The following KCNIP3 variants were observed in gnomAD, a reference collection of about 807,000 sequenced individuals.
The protein encoded by KCNIP3 is potassium voltage-gated channel interacting protein 3, also known as calsenilin.
Under a neutral mutation model 35.0 loss-of-function variants are expected in KCNIP3, and 28 were observed. The ratio of observed to expected loss-of-function variants is 0.80; its 90% CI spans 0.59 to 1.10. The LOEUF is 1.10. Ranked by LOEUF, KCNIP3 falls within the 50% of genes least tolerant of loss-of-function variation. The probability of loss-of-function intolerance (pLI) is 0.00; values close to 1 mark genes in which losing one functional copy is unlikely to be tolerated. For synonymous variants in KCNIP3, 134 were observed against 133.8 expected (o/e 1.00, Z -0.01); for missense variants, 295 against 338.4 (o/e 0.87, Z 1.01).
In KCNIP3 at chr2:95,375,100, G is replaced by T. The variant is rs377223478; in HGVS notation, c.377-38G>T. 6.2e-6 allele frequency: 10 copies of T among 1,602,070 alleles called. No homozygotes were observed. In the African/African-American group the frequency reaches 1.2e-4, roughly 19 times the overall value. The stretch of plus-strand genomic sequence containing the variant: ...GGGGTGGGAGATGAGCCGCCAGGCA[G>T]CCCCGACACACCCCAGCCTCTTCCT... On this transcript the variant is annotated intron_variant, in intron 4 of 8. Coordinates refer to ENST00000295225, the MANE Select transcript of KCNIP3 (RefSeq NM_013434.5).
intron 2 of KCNIP3, among the ~76,000 whole-genome samples, chr2:95,338,587 C>A (rs1347556521): frequency 2.0e-5 from 3 of 152,138 alleles, no homozygotes; most frequent in African/African-American, 4.8e-5. Context: ...GGCCATCTAG[C>A]CATAAAGACC....
Position 95,376,696 on chromosome 2 carries a change from G to A in KCNIP3, c.447+1488G>A, listed in dbSNP as rs1680205227. 6.6e-6 allele frequency among the ~76,000 whole-genome samples: 1 copy of A among 152,208 alleles called. No homozygotes were observed. Among genetic ancestry groups the A allele is most frequent in the African/African-American group, 2.4e-5 (1 of 41,446 alleles). ...GTGTTCTGCTCTGGGAAGGAGGAGG[G>A]CACAAGCCCCCATGGCCCCATCCTG... On this transcript the variant is annotated intron_variant, in intron 5 of 8. Transcript: ENST00000295225. The surrounding 1 kb of genome is among the most constrained non-coding windows in gnomAD (Gnocchi z 4.2).
chr2:95,301,338 C>G (rs989739352), intron 1 of KCNIP3, among the ~76,000 whole-genome samples: 1 of 152,242 alleles, frequency 6.6e-6, no homozygotes, highest in Admixed American at 6.5e-5. Flanking sequence ...GAGCCCTGAT[C>G]CTCACTGTGC....
chr2:95,357,366 G>A (rs751999246), intron 2 of KCNIP3, among the ~76,000 whole-genome samples: 2 of 152,192 alleles, frequency 1.3e-5, no homozygotes, highest in Non-Finnish European at 1.5e-5. Context: ...CCCGGCCTGG[G>A]ACAGGGGTAG....
chr2:95,379,936 C>A (rs1483636308), intron 5 of KCNIP3, among the ~76,000 whole-genome samples: 1 of 152,192 alleles, frequency 6.6e-6, no homozygotes, highest in African/African-American at 2.4e-5. Flanking sequence ...TGTGCCAAGC[C>A]TTGGTGGACA....
chr2:95,327,037 G>T (rs115402580), intron 2 of KCNIP3, among the ~76,000 whole-genome samples: 1 of 152,342 alleles, frequency 6.6e-6, no homozygotes, highest in African/African-American at 2.4e-5. Context: ...CAGTCAGATT[G>T]CACGGGACAA....
chr2:95,312,011 G>A (rs1678332614), intron 2 of KCNIP3: 1 of 152,222 alleles, frequency 6.6e-6, no homozygotes, highest in African/African-American at 2.4e-5. Context: ...CTCCCTTAGG[G>A]TGGGGGCGAG....
intron 2 of KCNIP3, chr2:95,312,291 C>T (rs1336620966): frequency 6.6e-6 from 1 of 152,296 alleles, no homozygotes; most frequent in Non-Finnish European, 1.5e-5. Flanking sequence ...TTCTGCACAC[C>T]CGTGACAGCA....
At chr2:95,379,210 A>G (rs1390561196) in intron 5 of KCNIP3, among the ~76,000 whole-genome samples, 1 of 152,168 alleles carries the variant, frequency 6.6e-6, no homozygotes, top group Non-Finnish European at 1.5e-5. Context: ...TCTAGGCTTC[A>G]GGTTGGATAA....
At chr2:95,354,102 C>T (rs1319637152) in intron 2 of KCNIP3, among the ~76,000 whole-genome samples, 1 of 152,198 alleles carries the variant, frequency 6.6e-6, no homozygotes, top group African/African-American at 2.4e-5. Context: ...GGTTTCCTCA[C>T]CTGTAAGTGA....
At chr2:95,373,925 A>C (rs1680102600) in intron 2 of KCNIP3, among the ~76,000 whole-genome samples, 1 of 152,206 alleles carries the variant, frequency 6.6e-6, no homozygotes. Context: ...TAGGAATTGG[A>C]TACTGAAGTT....
intron 2 of KCNIP3, among the ~76,000 whole-genome samples, chr2:95,318,604 C>T (rs1678515223): frequency 6.6e-6 from 1 of 152,128 alleles, no homozygotes; most frequent in Non-Finnish European, 1.5e-5. Flanking sequence ...CCAGGCTCTC[C>T]CTCCTCTGCC....
chr2:95,350,111 C>T (rs1198012348), intron 2 of KCNIP3, among the ~76,000 whole-genome samples: 2 of 152,178 alleles, frequency 1.3e-5, no homozygotes, highest in African/African-American at 4.8e-5. Flanking sequence ...TTCAAAGGCT[C>T]GCCCCTGTGG....
chr2:95,381,809 C>T (rs1455698978), intron 6 of KCNIP3, 106 bp downstream of exon 6: 9 of 795,024 alleles, frequency 1.1e-5, no homozygotes, highest in East Asian at 2.5e-5. Flanking sequence ...TGTCTTCTCC[C>T]GCTGTCCATC....
chr2:95,349,884 C>A (rs1285892396), intron 2 of KCNIP3, among the ~76,000 whole-genome samples: 1 of 152,188 alleles, frequency 6.6e-6, no homozygotes, highest in Non-Finnish European at 1.5e-5. Flanking sequence ...TCAAGGGGAT[C>A]TCATGTTGGC....
intron 2 of KCNIP3, among the ~76,000 whole-genome samples, chr2:95,354,154 C>T (rs971698964): frequency 5.9e-5 from 9 of 152,170 alleles, no homozygotes; most frequent in Non-Finnish European, 8.8e-5. Flanking sequence ...GGAACTCTCC[C>T]GGACCTTGCC....
chr2:95,366,351 T>G (rs1679917669), intron 2 of KCNIP3, among the ~76,000 whole-genome samples: 1 of 152,182 alleles, frequency 6.6e-6, no homozygotes, highest in Non-Finnish European at 1.5e-5. Context: ...TGCGATTCAT[T>G]CATGTTTTGC....
rs574594130 is a variant in KCNIP3, at chr2:95,381,640, C to T, written c.492C>T (p.His164=). 68 of 1,614,144 alleles carry T rather than the reference C, an allele frequency of 4.2e-5. No homozygotes were observed. Among genetic ancestry groups the T allele is most frequent in the South Asian group, 2.2e-4 (20 of 91,084 alleles). ...GLSILLRGTV[H]EKLKWAFNLY... is the part of the protein sequence containing the mutation. ...CCATCCTGCTGCGGGGCACAGTCCA[C>T]GAGAAGCTCAAGTGGGCCTTTAATC... The change falls in exon 6 of 9, where the codon CAC becomes CAT. Residue 164 remains histidine (H), a synonymous_variant. Coordinates refer to ENST00000295225, the MANE Select transcript of KCNIP3 (RefSeq NM_013434.5).
chr2:95,321,039 C>T (rs1341443874), intron 2 of KCNIP3, among the ~76,000 whole-genome samples: 1 of 143,970 alleles, frequency 6.9e-6, no homozygotes, highest in Non-Finnish European at 1.5e-5. Context: ...CCCCACACCC[C>T]CAGCCTCTCC....
Sources: gnomAD v4.1 joint callset for allele counts (sites outside exome capture counted in the v4.1 genomes callset) on GRCh38, gnomAD v4.1.1 for gene constraint, Gnocchi (gnomAD v3.1) non-coding constraint, MANE v1.5 for transcripts, NCBI Gene and HGNC (gene_info 2026-07-23, HGNC 2026-07-21) for gene names.